Variants in CFAP54 observed in about 807,000 individuals in gnomAD.
CFAP54 encodes the protein cilia and flagella associated protein 54.
Under a neutral mutation model 370.4 loss-of-function variants are expected in CFAP54, and 290 were observed. That is an observed-to-expected ratio of 0.78 (90% confidence interval 0.71 to 0.86). The LOEUF is 0.86. Among genes scored for constraint, CFAP54 ranks in the 40% least tolerant of loss-of-function variants. The pLI is 0.00. For synonymous variants in CFAP54, 1,206 were observed against 1,236.5 expected (o/e 0.98, Z 0.52); for missense variants, 3,399 against 3,528.7 (o/e 0.96, Z 0.93).
chr12:96,507,958 C>T (rs1955125209), intron 4 of CFAP54, among the ~76,000 whole-genome samples: 1 of 152,054 alleles, frequency 6.6e-6, no homozygotes, highest in Non-Finnish European at 1.5e-5. Flanking sequence ...TTCGATGTTA[C>T]CTGCGCCACC....
At chr12:96,684,781 T>A in intron 41 of CFAP54, 46 bp downstream of exon 41, 1 of 1,470,316 alleles carries the variant, frequency 6.8e-7, no homozygotes, top group Non-Finnish European at 9.3e-7. Flanking sequence ...GTTTTTTATT[T>A]GCTTGTTTGA....
chr12:96,660,186 T>C (rs1956977141), intron 38 of CFAP54, among the ~76,000 whole-genome samples: 1 of 152,076 alleles, frequency 6.6e-6, no homozygotes, highest in African/African-American at 2.4e-5. Context: ...GGAAAGAACA[T>C]TGTAGCCCAA....
chr12:96,685,294 C>A, intron 42 of CFAP54, 56 bp downstream of exon 42: 2 of 1,510,434 alleles, frequency 1.3e-6, no homozygotes, highest in Non-Finnish European at 1.8e-6. Context: ...TTGTGGGGTG[C>A]CCTCCTGTGC....
At chr12:96,857,256 C>G (rs1234700592) in intron 66 of CFAP54, among the ~76,000 whole-genome samples, 1 of 152,102 alleles carries the variant, frequency 6.6e-6, no homozygotes, top group East Asian at 1.9e-4. Context: ...AACCTAGTAC[C>G]CAATAGTTAT....
intron 26 of CFAP54, among the ~76,000 whole-genome samples, chr12:96,608,239 G>A (rs982187251): frequency 6.6e-6 from 1 of 151,816 alleles, no homozygotes; most frequent in South Asian, 2.1e-4. Context: ...TGTGTTTGGC[G>A]TAAGGAGAGG....
intron 11 of CFAP54, among the ~76,000 whole-genome samples, chr12:96,535,250 A>G (rs969545659): frequency 1.8e-4 from 27 of 151,994 alleles, no homozygotes; most frequent in Admixed American, 1.7e-3. Flanking sequence ...GGGTTTCACC[A>G]TGTTAGCCAG....
intron 40 of CFAP54, 27 bp downstream of exon 40, chr12:96,679,779 A>G (rs778636760): frequency 8.1e-6 from 13 of 1,605,544 alleles, no homozygotes; most frequent in South Asian, 3.3e-5. Context: ...GTATCTCTGA[A>G]TCTTTCTTTA....
chr12:96,592,572 A>G lies in CFAP54; in HGVS notation c.3295A>G (p.Lys1099Glu). Residue 1099 changes from lysine to glutamate, a missense_variant, in exon 24 of 68, where the codon AAA becomes GAA. By Grantham distance (56) the Lys-to-Glu change is moderately conservative. Transcript: ENST00000524981. ...LRNIFVTSDI[K>E]IKEENLFCDN... ...AAATATTTTTGTAACAAGTGACATC[A>G]AAATTAAAGAAGAAAATCTTTTCTG... 1 of 1,245,082 alleles carries G rather than the reference A, an allele frequency of 8.0e-7. No individual in the cohort carries two copies. 77.1% of individuals were successfully genotyped at this position (1,245,082 alleles called of 1,614,324 possible). A position where few individuals can be genotyped will look rare whatever the true frequency, so the allele number is the denominator to read the frequency against.
chr12:96,660,923 C>T (rs1956987546), intron 38 of CFAP54, among the ~76,000 whole-genome samples: 1 of 151,970 alleles, frequency 6.6e-6, no homozygotes, highest in Non-Finnish European at 1.5e-5. Flanking sequence ...TTACATTCGC[C>T]AGTTTATTAT....
At chr12:96,651,466 C>T in intron 35 of CFAP54, 122 bp from the exon 36 acceptor site, 6 of 742,842 alleles carry the variant, frequency 8.1e-6, no homozygotes, top group Admixed American at 2.7e-5. Context: ...ATGTAAGTGA[C>T]CCTAACAAAT....
At position 96,767,859 on chromosome 12, in the gene CFAP54, CAT is replaced by C. The variant is rs1958415903; in HGVS notation, c.8281+2642_8281+2643del. On this transcript the variant is annotated intron_variant, in intron 60 of 67. Transcript: ENST00000524981. ...TAAACAATACTAGCATTGATCTACA[CAT>C]GAGGTGATGAACAACATTTACTGTT... is the stretch of plus-strand genomic sequence containing the variant. Among the ~76,000 whole-genome samples, 3 of 152,154 alleles carry C rather than the reference CAT, an allele frequency of 2.0e-5. No individual in the cohort carries two copies. The South Asian group carries it at 6.2e-4, about 32-fold the overall frequency.
rs762444334 is a variant in CFAP54, at chr12:96,592,642, G to A, written c.3360+5G>A. Reference sequence around the variant, plus strand: ...GAGATTTTCCCATCTCAACAAGTAAGTGAATTAAAGTGACTAAAAACATGT... The same window carrying A: ...GAGATTTTCCCATCTCAACAAGTAAATGAATTAAAGTGACTAAAAACATGT... On this transcript the variant is annotated splice_donor_5th_base_variant and intron_variant, in intron 24 of 67. Coordinates refer to ENST00000524981, the MANE Select transcript of CFAP54 (RefSeq NM_001306084.2). 1 of 989,100 alleles carries A rather than the reference G, an allele frequency of 1.0e-6. No individual in the cohort carries two copies. The highest frequency in any genetic ancestry group is 1.4e-6 in the Non-Finnish European group (1 of 731,490). 61.3% of individuals were successfully genotyped at this position (989,100 alleles called of 1,614,324 possible). A position where few individuals can be genotyped will look rare whatever the true frequency, so the allele number is the denominator to read the frequency against.
chr12:96,649,809 ACTTGATC>A, intron 34 of CFAP54, 75 bp from the exon 35 acceptor site: 1 of 835,846 alleles, frequency 1.2e-6, no homozygotes, highest in Non-Finnish European at 1.8e-6. Context: ...TGAATTACTC[ACTTGATC>A]CTTATCACCT....
At chr12:96,729,903 A>G (rs1957899530) in intron 50 of CFAP54, among the ~76,000 whole-genome samples, 1 of 152,216 alleles carries the variant, frequency 6.6e-6, no homozygotes, top group African/African-American at 2.4e-5. Context: ...TGCAGTTGGT[A>G]GAAGTAGGGT....
At chr12:96,631,503 A>G (rs1435350739) in intron 32 of CFAP54, among the ~76,000 whole-genome samples, 2 of 151,190 alleles carry the variant, frequency 1.3e-5, no homozygotes, top group African/African-American at 4.8e-5. Flanking sequence ...TCTCAATATT[A>G]TGTTTGTGAT....
At chr12:96,626,635 T>C (rs1222734762) in intron 29 of CFAP54, among the ~76,000 whole-genome samples, 178 bp from the exon 30 acceptor site, 1 of 152,172 alleles carries the variant, frequency 6.6e-6, no homozygotes, top group African/African-American at 2.4e-5. Context: ...TTCATTGATA[T>C]TAGAAAAACA....
chr12:96,725,345 A>C (rs541641196), intron 50 of CFAP54, among the ~76,000 whole-genome samples: 14 of 151,866 alleles, frequency 9.2e-5, no homozygotes, highest in African/African-American at 3.4e-4. Flanking sequence ...ATCCTCTTTT[A>C]TTTCATTGAG....
intron 8 of CFAP54, among the ~76,000 whole-genome samples, 156 bp downstream of exon 8, chr12:96,522,345 CA>C: frequency 1.3e-5 from 2 of 152,336 alleles, no homozygotes; most frequent in Non-Finnish European, 2.9e-5. Context: ...TTCTAGTTTG[CA>C]CGTAGCCTCG....
intron 67 of CFAP54, among the ~76,000 whole-genome samples, chr12:96,874,200 C>G (rs1326526147): frequency 1.3e-5 from 2 of 152,090 alleles, no homozygotes; most frequent in Admixed American, 1.3e-4. Flanking sequence ...AAAATGGGTC[C>G]AGCTCCAAGC....
Sources: allele counts gnomAD v4.1 joint callset (sites outside exome capture counted in the v4.1 genomes callset), GRCh38; gene constraint gnomAD v4.1.1; transcripts MANE v1.5; gene names NCBI Gene and HGNC (gene_info 2026-07-23, HGNC 2026-07-21).